The following NAF1 variants were observed in gnomAD, a reference collection of about 807,000 sequenced individuals.
NAF1 encodes H/ACA ribonucleoprotein complex non-core subunit NAF1.
NAF1 carries 11 observed loss-of-function variants against 40.6 expected under a neutral mutation model. The observed-to-expected ratio is 0.27, with a 90% CI of 0.17 to 0.45. The LOEUF is 0.45. Among genes scored for constraint, NAF1 ranks in the 20% least tolerant of loss-of-function variants. The pLI is 1.00. For missense variants in NAF1, 607 were observed against 611.1 expected (o/e 0.99, Z 0.07); for synonymous variants, 260 against 228.5 (o/e 1.14, Z -1.24).
At chr4:163,125,202 T>C (rs1238257632), downstream of NAF1, among the ~76,000 whole-genome samples, 1 of 152,218 alleles carries the variant, frequency 6.6e-6, no homozygotes, top group African/African-American at 2.4e-5. Context: ...AGCCGTATAA[T>C]GACCTCTAAG....
At chr4:163,166,220 C>T (rs1216621880) in intron 1 of NAF1, 143 bp downstream of exon 1, 7 of 1,072,914 alleles carry the variant, frequency 6.5e-6, no homozygotes, top group Non-Finnish European at 9.2e-6. Context: ...GGAGCCAATA[C>T]TTCAACACGT....
Position 163,164,331 on chromosome 4 carries a change from A to AGAC in NAF1, c.423_425dup (p.Ser145dup), listed in dbSNP as rs757340097. 6.2e-7 allele frequency: 1 copy of AGAC among 1,601,596 alleles called. No homozygotes were observed. The highest frequency in any genetic ancestry group is 1.3e-5 in the African/African-American group (1 of 74,392). ...GAGGAAGTGATATACAAGAGGAAGA[A>AGAC]GACGACGATGAGGAAGATGAAGAGG... On this transcript the variant is annotated inframe_insertion, in exon 2 of 8. Transcript: ENST00000274054.
chr4:163,114,030 A>T (rs577697009), intron 2 of NAF1, among the ~76,000 whole-genome samples: 32 of 152,222 alleles, frequency 2.1e-4, no homozygotes, highest in Non-Finnish European at 4.4e-4. Context: ...TGTGAAAAGG[A>T]GGTTTACCAC....
At chr4:163,123,823 A>G (rs528238818), downstream of NAF1, among the ~76,000 whole-genome samples, 4 of 152,362 alleles carry the variant, frequency 2.6e-5, no homozygotes, top group East Asian at 7.7e-4. Context: ...TATATAGTAA[A>G]AGGCTAATAT....
intron 7 of NAF1, among the ~76,000 whole-genome samples, chr4:163,131,001 C>G (rs1372670634): frequency 6.6e-6 from 1 of 152,130 alleles, no homozygotes; most frequent in Admixed American, 6.5e-5. Context: ...TCTCCTGCCT[C>G]AGCCTCCCAA....
At position 163,164,395 on chromosome 4, in the gene NAF1, T is replaced by C; in HGVS notation, c.366-4A>G. On this transcript the variant is annotated splice_polypyrimidine_tract_variant and splice_region_variant and intron_variant, in intron 1 of 7. Coordinates refer to ENST00000274054, the MANE Select transcript of NAF1 (RefSeq NM_138386.3). The stretch of plus-strand genomic sequence containing the variant: ...TGAACTATCTGAATCTGTTTCACTG[T>C]AGGGAAGAAAACAGTTAAAAAAATA... The C allele has an allele frequency of 6.5e-7, 1 of 1,536,278 alleles. No homozygotes were observed. The highest frequency in any genetic ancestry group is 1.3e-5 in the South Asian group (1 of 76,244).
intron 6 of NAF1, chr4:163,133,579 T>TC: frequency 1.4e-5 from 3 of 209,984 alleles, no homozygotes. Flanking sequence ...ACTAAGCAAA[T>TC]TATATATATT....
At chr4:163,111,423 T>C (rs1730155983) in intron 2 of NAF1, among the ~76,000 whole-genome samples, 1 of 152,188 alleles carries the variant, frequency 6.6e-6, no homozygotes, top group African/African-American at 2.4e-5. Context: ...CTATTTTGTT[T>C]TGAAACACAA....
chr4:163,157,547 A>G (rs1008436637), intron 2 of NAF1: 1 of 152,022 alleles, frequency 6.6e-6, no homozygotes, highest in Non-Finnish European at 1.5e-5. Context: ...AATCAAAAAG[A>G]CAACACATTA....
Position 163,130,651 on chromosome 4 carries a change from G to A in NAF1, c.1034-1303C>T, listed in dbSNP as rs115746320. ...ATAGACCCACATAAACATAATAAACGGATATTTAACGAAGGAGCAAAAGCA... is the reference window on the plus strand; with the variant it reads ...ATAGACCCACATAAACATAATAAACAGATATTTAACGAAGGAGCAAAAGCA... On this transcript the variant is annotated intron_variant, in intron 7 of 7. Transcript: ENST00000274054. Among the ~76,000 whole-genome samples, 1,257 of 152,216 alleles carry A rather than the reference G, an allele frequency of 8.3e-3. 11 individuals are homozygous for A. Among genetic ancestry groups the A allele is most frequent in the Middle Eastern group, 0.017 (5 of 294 alleles).
chr4:163,137,381 T>C (rs1731101775), intron 5 of NAF1, 131 bp from the exon 6 acceptor site: 8 of 892,022 alleles, frequency 9.0e-6, no homozygotes, highest in Non-Finnish European at 1.1e-5. Flanking sequence ...TACAGTTATG[T>C]GTCTTTTACC....
chr4:163,140,984 AT>A (rs1188105253), intron 4 of NAF1, among the ~76,000 whole-genome samples: 1 of 152,220 alleles, frequency 6.6e-6, no homozygotes, highest in African/African-American at 2.4e-5. Flanking sequence ...AGAACCACAT[AT>A]TTTACTTCTG....
In NAF1 at chr4:163,140,380, A is replaced by G. The variant is rs1369212893; in HGVS notation, c.721T>C (p.Phe241Leu). Residue 241 changes from phenylalanine to leucine, a missense_variant, in exon 5 of 8, where the codon TTC becomes CTC. By Grantham distance (22) the Phe-to-Leu change is conservative. Around this residue, in one of 3 missense-constraint regions of NAF1, gnomAD observed 407 missense variants for 365.5 expected, o/e 1.11. Coordinates refer to ENST00000274054, the MANE Select transcript of NAF1 (RefSeq NM_138386.3). ...KSDRQAAGKI[F>L]EIFGPVAHPF... is the part of the protein sequence containing the mutation. ...TGTGCAACAGGTCCAAATATCTCGA[A>G]TATCTGTAATAGAAACATAAAGGCC... The G allele has an allele frequency of 6.3e-7, 1 of 1,599,800 alleles. No individual in the cohort carries two copies. The highest frequency in any genetic ancestry group is 8.5e-7 in the Non-Finnish European group (1 of 1,175,352).
At chr4:163,133,552 AGGTAAGAGTAT>A in intron 6 of NAF1, 1 of 287,156 alleles carries the variant, frequency 3.5e-6, no homozygotes. Context: ...AGGGTGCCAA[AGGTAAGAGTAT>A]CAAGGACTAA....
downstream of NAF1, chr4:163,109,980 G>A (rs1370874792): frequency 5.5e-6 from 2 of 365,528 alleles, no homozygotes; most frequent in Non-Finnish European, 9.8e-6. Context: ...ACTTTTGTAT[G>A]TCTCTCATTT....
At position 163,166,797 on chromosome 4, in the gene NAF1, A is replaced by G. The variant is rs1022439418; in HGVS notation, c.-70T>C. On this transcript the variant is annotated 5_prime_UTR_variant, in exon 1 of 8. Transcript: ENST00000274054. The stretch of plus-strand genomic sequence containing the variant: ...GGACAAGCTCACGGCTCTCTCCAGA[A>G]ATAGAAAAACAACTTAGGCAACCGC... 308 of 1,573,604 alleles carry G rather than the reference A, an allele frequency of 2.0e-4. 2 individuals carry two copies. The highest frequency in any genetic ancestry group is 2.2e-4 in the South Asian group (19 of 85,116).
intron 2 of NAF1, among the ~76,000 whole-genome samples, chr4:163,155,160 G>GT (rs1731926789): frequency 6.6e-6 from 1 of 152,168 alleles, no homozygotes; most frequent in South Asian, 2.1e-4. Context: ...TTAATCTACT[G>GT]TATCACTACC....
downstream of NAF1, among the ~76,000 whole-genome samples, chr4:163,121,710 CTAATT>C (rs1003102570): frequency 1.3e-5 from 2 of 152,114 alleles, no homozygotes; most frequent in African/African-American, 4.8e-5. Context: ...TAATAATACA[CTAATT>C]TACTTTCCTT....
At chr4:163,123,408 T>C (rs1218061375), downstream of NAF1, among the ~76,000 whole-genome samples, 5 of 152,194 alleles carry the variant, frequency 3.3e-5, no homozygotes, top group Non-Finnish European at 7.3e-5. Flanking sequence ...ATTATCTATT[T>C]CTAATAAGTA....
Sources: gnomAD v4.1 joint callset for allele counts (sites outside exome capture counted in the v4.1 genomes callset) on GRCh38, gnomAD v4.1.1 for gene constraint, gnomAD v4.1.1 regional missense constraint, MANE v1.5 for transcripts, NCBI Gene and HGNC (gene_info 2026-07-23, HGNC 2026-07-21) for gene names.